The following TESK2 variants were observed in gnomAD, a reference collection of about 807,000 sequenced individuals.
The protein encoded by TESK2 is dual specificity testis-specific protein kinase 2.
A neutral mutation model predicts 57.1 loss-of-function variants in TESK2; 39 were observed. That is an observed-to-expected ratio of 0.68 (90% CI 0.53 to 0.89). The LOEUF (loss-of-function observed/expected upper bound fraction) is 0.89. Among genes scored for constraint, TESK2 ranks in the 40% least tolerant of loss-of-function variants. The probability of loss-of-function intolerance (pLI) is 0.00; values close to 1 mark genes in which losing one functional copy is unlikely to be tolerated. For missense variants in TESK2, 646 were observed against 732.1 expected (o/e 0.88, Z 1.36); for synonymous variants, 249 against 267.9 (o/e 0.93, Z 0.69).
chr1:45,450,660 T>C (rs950577758), intron 2 of TESK2, among the ~76,000 whole-genome samples: 9 of 152,114 alleles, frequency 5.9e-5, no homozygotes, highest in Non-Finnish European at 1.2e-4. Context: ...CATAAAAGCA[T>C]GAGGAAAACA....
At chr1:45,416,434 C>A (rs1261774953) in intron 3 of TESK2, among the ~76,000 whole-genome samples, 6 of 151,998 alleles carry the variant, frequency 3.9e-5, no homozygotes, top group Non-Finnish European at 8.8e-5. Flanking sequence ...CACACCCAAC[C>A]TAAAGCCTTC....
intron 1 of TESK2, among the ~76,000 whole-genome samples, chr1:45,474,677 T>TG (rs1652912104): frequency 6.6e-6 from 1 of 151,818 alleles, no homozygotes; most frequent in Non-Finnish European, 1.5e-5. Context: ...TTCACCATGT[T>TG]GGTCAGGCTA....
intron 1 of TESK2, among the ~76,000 whole-genome samples, chr1:45,488,924 G>A (rs955174973): frequency 6.6e-6 from 1 of 152,176 alleles, no homozygotes; most frequent in African/African-American, 2.4e-5. Flanking sequence ...CTCTTTGGGA[G>A]GCCGGGGAAG....
At position 45,345,250 on chromosome 1, in the gene TESK2, C is replaced by T. The variant is rs144473968; in HGVS notation, c.1306G>A (p.Gly436Arg). The T allele has an allele frequency of 8.1e-5, 130 of 1,614,200 alleles. No homozygotes were observed. The African/African-American group carries it at 1.0e-3, about 13-fold the overall frequency. The change falls in exon 11 of 11, where the codon GGA becomes AGA. Residue 436 changes from glycine (G) to arginine (R), a missense_variant. Gly to Arg is a moderately radical substitution (Grantham distance 125). Coordinates refer to ENST00000372086, the MANE Select transcript of TESK2 (RefSeq NM_007170.3). ...LVFDLDAPGP[G>R]TMPLADWQEP... is the part of the protein sequence containing the mutation. ...TGCCAGTCAGCCAGGGGCATAGTTCCGGGCCCTGGTGCATCCAGGTCAAAT... is the reference window on the plus strand; with the variant it reads ...TGCCAGTCAGCCAGGGGCATAGTTCTGGGCCCTGGTGCATCCAGGTCAAAT...
chr1:45,423,140 A>G (rs1650547668), intron 2 of TESK2, among the ~76,000 whole-genome samples: 1 of 152,176 alleles, frequency 6.6e-6, no homozygotes, highest in Admixed American at 6.5e-5. Context: ...AACAGAAAAG[A>G]GTCCCTTCTG....
chr1:45,346,672 C>T (rs747911201), intron 9 of TESK2, 21 bp downstream of exon 9: 3 of 1,604,530 alleles, frequency 1.9e-6, no homozygotes, highest in Non-Finnish European at 2.6e-6. Flanking sequence ...TGATGAAAGG[C>T]AGAGGGAGAA....
intron 1 of TESK2, among the ~76,000 whole-genome samples, chr1:45,466,645 A>G (rs1269390334): frequency 6.7e-6 from 1 of 149,590 alleles, no homozygotes; most frequent in African/African-American, 2.4e-5. Context: ...GCAAGACTCT[A>G]TCTCAAATAA....
intron 4 of TESK2, among the ~76,000 whole-genome samples, chr1:45,379,930 C>T (rs1003831019): frequency 6.6e-6 from 1 of 151,882 alleles, no homozygotes; most frequent in African/African-American, 2.4e-5. Flanking sequence ...GCTCTGTTGC[C>T]TAGAGCTCTG....
At chr1:45,362,769 C>T (rs1358850366) in intron 4 of TESK2, among the ~76,000 whole-genome samples, 1 of 152,134 alleles carries the variant, frequency 6.6e-6, no homozygotes, top group Non-Finnish European at 1.5e-5. Context: ...CTTCTGTTCA[C>T]CTACCCAAAC....
rs895401984 is a variant in TESK2, at chr1:45,364,736, G to A, written c.394-9287C>T. 4.6e-5 allele frequency among the ~76,000 whole-genome samples: 7 copies of A among 152,278 alleles called. No homozygotes were observed. In the South Asian group the frequency reaches 1.2e-3, roughly 27 times the overall value. On this transcript the variant is annotated intron_variant, in intron 4 of 10. Transcript: ENST00000372086. ...GCTATTTATGGGCAAGAAAAAGTTG[G>A]CTATAGTCAGAATATAAAGCTTTTT... is the stretch of plus-strand genomic sequence containing the variant.
chr1:45,367,681 G>C (rs1647988231), intron 4 of TESK2, among the ~76,000 whole-genome samples: 1 of 143,684 alleles, frequency 7.0e-6, no homozygotes, highest in Admixed American at 7.0e-5. Flanking sequence ...TTTTGAGATG[G>C]AGTTTCTCTC....
chr1:45,476,180 T>C (rs6429566), intron 1 of TESK2, among the ~76,000 whole-genome samples: 121,326 of 152,112 alleles, frequency 0.8, 48,680 homozygotes, highest in East Asian at 0.95. Flanking sequence ...ATGGAGACAA[T>C]CCAAATATCC....
intron 3 of TESK2, among the ~76,000 whole-genome samples, chr1:45,412,899 A>G (rs1248474898): frequency 1.3e-5 from 2 of 152,184 alleles, no homozygotes; most frequent in South Asian, 2.1e-4. Context: ...ATACGCCTGC[A>G]GTCCCAGCTA....
At chr1:45,456,416 G>A (rs926461540) in intron 2 of TESK2, among the ~76,000 whole-genome samples, 4 of 151,930 alleles carry the variant, frequency 2.6e-5, no homozygotes, top group African/African-American at 9.7e-5. Flanking sequence ...CTACTAGGGA[G>A]GCTGAGGCAG....
At chr1:45,489,814 C>T (rs192296456) in intron 1 of TESK2, among the ~76,000 whole-genome samples, 1 of 152,096 alleles carries the variant, frequency 6.6e-6, no homozygotes, top group Non-Finnish European at 1.5e-5. Context: ...AACAAACAAA[C>T]CCTGAAACTT....
intron 2 of TESK2, among the ~76,000 whole-genome samples, chr1:45,422,360 C>T (rs1650509202): frequency 6.6e-6 from 1 of 152,020 alleles, no homozygotes; most frequent in African/African-American, 2.4e-5. Context: ...ATGTTCTGCA[C>T]ATGTATCCCA....
At chr1:45,474,604 C>G (rs937398033) in intron 1 of TESK2, among the ~76,000 whole-genome samples, 2 of 151,972 alleles carry the variant, frequency 1.3e-5, no homozygotes, top group African/African-American at 4.8e-5. Flanking sequence ...TCCTGAGTAG[C>G]TGGGATTACA....
intron 2 of TESK2, among the ~76,000 whole-genome samples, chr1:45,448,925 G>A (rs1651756954): frequency 6.6e-6 from 1 of 152,106 alleles, no homozygotes; most frequent in Admixed American, 6.6e-5. Context: ...ATTCATTCCT[G>A]GTTGAAATGC....
intron 9 of TESK2, 109 bp from the exon 10 acceptor site, chr1:45,346,103 AC>A (rs1647140486): frequency 1.2e-6 from 1 of 853,970 alleles, no homozygotes; most frequent in Admixed American, 1.9e-5. Context: ...CAGCTGAGAG[AC>A]CTTTTCTAAA....
Sources: gnomAD v4.1 joint callset for allele counts (sites outside exome capture counted in the v4.1 genomes callset) on GRCh38, gnomAD v4.1.1 for gene constraint, MANE v1.5 for transcripts, NCBI Gene and HGNC (gene_info 2026-07-23, HGNC 2026-07-21) for gene names.